Variants in ERG observed in about 807,000 individuals in gnomAD.
ERG encodes ETS transcription factor ERG.
Under a neutral mutation model 55.3 loss-of-function variants are expected in ERG, and 9 were observed. The ratio of observed to expected loss-of-function variants is 0.16; its 90% CI spans 0.10 to 0.28. ERG has a LOEUF of 0.28. Ranked by LOEUF, ERG falls within the 10% of genes least tolerant of loss-of-function variation. ERG has a pLI of 1.00. For missense variants in ERG, 434 were observed against 631.6 expected (o/e 0.69, Z 3.35); for synonymous variants, 223 against 237.3 (o/e 0.94, Z 0.55).
chr21:38,568,858 G>T (rs2059939557), intron 2 of ERG, among the ~76,000 whole-genome samples: 1 of 152,188 alleles, frequency 6.6e-6, no homozygotes, highest in South Asian at 2.1e-4. Flanking sequence ...GCACCCGAGG[G>T]TCACCTGCCT....
chr21:38,487,914 T>C (rs1157350860), intron 1 of ERG, among the ~76,000 whole-genome samples: 2 of 152,206 alleles, frequency 1.3e-5, no homozygotes, highest in Non-Finnish European at 2.9e-5. Context: ...AAATACAAAA[T>C]ACATATATTG....
chr21:38,491,372 G>C (rs2059334494), intron 1 of ERG, among the ~76,000 whole-genome samples: 1 of 151,912 alleles, frequency 6.6e-6, no homozygotes, highest in South Asian at 2.1e-4. Flanking sequence ...ATCAATACTT[G>C]GTAAATTTAA....
intron 1 of ERG, among the ~76,000 whole-genome samples, chr21:38,465,589 A>C (rs991778564): frequency 6.6e-6 from 1 of 152,202 alleles, no homozygotes; most frequent in Non-Finnish European, 1.5e-5. Flanking sequence ...AGGTTCATCA[A>C]CTGTAGCAAA....
chr21:38,404,797 G>C (rs1988683391), intron 3 of ERG, among the ~76,000 whole-genome samples: 1 of 152,194 alleles, frequency 6.6e-6, no homozygotes, highest in Admixed American at 6.5e-5. Context: ...ATGAAAGTCA[G>C]GTGTGGGAGT....
chr21:38,380,437 TGATTTTA>T lies in ERG; in HGVS notation c.*2959_*2965del. 9.4e-7 allele frequency: 1 copy of T among 1,064,024 alleles called. No individual in the cohort carries two copies. The highest frequency in any genetic ancestry group is 4.6e-5 in the South Asian group (1 of 21,962). 65.9% of individuals were successfully genotyped at this position (1,064,024 alleles called of 1,614,324 possible). On this transcript the variant is annotated 3_prime_UTR_variant, in exon 10 of 10. Transcript: ENST00000288319. ...AAACACAGTCTTGACTGTGATTTGGTGATTTTACCACATACAAGGCCCGAAAGCCAAT... is the reference window on the plus strand; with the variant it reads ...AAACACAGTCTTGACTGTGATTTGGTCCACATACAAGGCCCGAAAGCCAAT...
intron 1 of ERG, among the ~76,000 whole-genome samples, chr21:38,454,754 A>G (rs2058972090): frequency 6.6e-6 from 1 of 152,240 alleles, no homozygotes; most frequent in African/African-American, 2.4e-5. Flanking sequence ...AGCCAGATGC[A>G]AGGAAAATCA....
intron 6 of ERG, among the ~76,000 whole-genome samples, chr21:38,393,489 T>C (rs993486022): frequency 1.3e-5 from 2 of 152,370 alleles, no homozygotes; most frequent in African/African-American, 2.4e-5. Flanking sequence ...GTGAAGGCCA[T>C]GGCCAAATAT....
chr21:38,375,921 A>C (rs992379790), downstream of ERG, among the ~76,000 whole-genome samples: 7 of 152,158 alleles, frequency 4.6e-5, no homozygotes, highest in African/African-American at 1.4e-4. Context: ...GCCTCCTTCC[A>C]ACTGTCTTAC....
intron 1 of ERG, among the ~76,000 whole-genome samples, chr21:38,652,653 G>A (rs972092905): frequency 6.6e-6 from 1 of 152,142 alleles, no homozygotes; most frequent in African/African-American, 2.4e-5. Flanking sequence ...CTGATGCTAA[G>A]GCTAAAAATG....
chr21:38,533,959 G>A (rs2059690777), intron 2 of ERG, among the ~76,000 whole-genome samples: 1 of 151,980 alleles, frequency 6.6e-6, no homozygotes, highest in Non-Finnish European at 1.5e-5. Context: ...TCTTATACAA[G>A]GAACAAGTGC....
intron 2 of ERG, among the ~76,000 whole-genome samples, chr21:38,528,235 C>T (rs1414682655): frequency 3.9e-5 from 6 of 152,116 alleles, no homozygotes; most frequent in Non-Finnish European, 5.9e-5. Context: ...ACTACATCTG[C>T]AATAACCCTA....
At chr21:38,634,908 T>G (rs957027918) in intron 1 of ERG, among the ~76,000 whole-genome samples, 1 of 152,180 alleles carries the variant, frequency 6.6e-6, no homozygotes, top group Non-Finnish European at 1.5e-5. Flanking sequence ...CCAAGGTTCC[T>G]TATATAGGTG....
Position 38,487,120 on chromosome 21 carries a change from C to CTT in ERG, c.18+11241_18+11242dup, listed in dbSNP as rs5843910. Among the ~76,000 whole-genome samples, 661 of 127,566 alleles carry CTT rather than the reference C, an allele frequency of 5.2e-3. 9 individuals carry two copies. The highest frequency in any genetic ancestry group is 0.015 in the African/African-American group (503 of 32,576). 83.7% of individuals were successfully genotyped at this position (127,566 alleles called of 152,430 possible). A position where few individuals can be genotyped will look rare whatever the true frequency, so the allele number is the denominator to read the frequency against. On this transcript the variant is annotated intron_variant, in intron 1 of 9. Transcript: ENST00000288319. The stretch of plus-strand genomic sequence containing the variant: ...CGTAACAAGTTCAGCCCTCACTCCT[C>CTT]TTTTTTTTTTTTTTTTCACTATCCT...
At chr21:38,421,958 T>C (rs991543542) in intron 3 of ERG, among the ~76,000 whole-genome samples, 18 of 152,226 alleles carry the variant, frequency 1.2e-4, no homozygotes, top group Admixed American at 3.3e-4. Context: ...GTTCAAGCGA[T>C]TCTCCTGCCT....
intron 5 of ERG, 65 bp from the exon 6 acceptor site, chr21:38,400,710 G>A: frequency 8.0e-7 from 1 of 1,256,730 alleles, no homozygotes; most frequent in Non-Finnish European, 1.1e-6. Flanking sequence ...CTCAACATCA[G>A]CGCCAAATCT....
chr21:38,380,771 G>T lies in ERG; in HGVS notation c.*2632C>A. ...CTGGACTGGGGGTGGAGGGTTGAGG[G>T]ATCTAATGGAAAACATCTGTTAAAA... On this transcript the variant is annotated 3_prime_UTR_variant, in exon 10 of 10. Coordinates refer to ENST00000288319, the MANE Select transcript of ERG (RefSeq NM_182918.4). 1 of 1,063,652 alleles carries T rather than the reference G, an allele frequency of 9.4e-7. No individual in the cohort carries two copies. Among genetic ancestry groups the T allele is most frequent in the Non-Finnish European group, 1.1e-6 (1 of 878,952 alleles). 65.9% of individuals were successfully genotyped at this position (1,063,652 alleles called of 1,614,324 possible).
intron 1 of ERG, among the ~76,000 whole-genome samples, chr21:38,476,434 A>G (rs1396124769): frequency 5.3e-5 from 8 of 152,214 alleles, no homozygotes; most frequent in African/African-American, 1.9e-4. Context: ...TCCCTGAGAT[A>G]CAACACCACT....
At chr21:38,622,322 C>T (rs368966521) in intron 1 of ERG, among the ~76,000 whole-genome samples, 32 of 152,182 alleles carry the variant, frequency 2.1e-4, no homozygotes, top group African/African-American at 6.3e-4. Flanking sequence ...TCTGCCGCGC[C>T]GAGGGAATGG....
intron 3 of ERG, among the ~76,000 whole-genome samples, chr21:38,410,472 T>C (rs1988992512): frequency 6.6e-6 from 1 of 152,232 alleles, no homozygotes; most frequent in African/African-American, 2.4e-5. Context: ...GAAATCTACT[T>C]TGGTAAATTG....
Sources: allele counts gnomAD v4.1 joint callset (sites outside exome capture counted in the v4.1 genomes callset), GRCh38; gene constraint gnomAD v4.1.1; transcripts MANE v1.5; gene names NCBI Gene and HGNC (gene_info 2026-07-23, HGNC 2026-07-21).